SYNE2: variants seen among roughly 807,000 people sequenced by gnomAD.
SYNE2 encodes the protein nesprin-2.
SYNE2 carries 431 observed loss-of-function variants against 856.3 expected under a neutral mutation model. That is an observed-to-expected ratio of 0.50 (90% CI 0.47 to 0.55). The LOEUF is 0.55. SYNE2 is among the 20% of genes least tolerant of loss of function. The pLI is 0.00. For synonymous variants in SYNE2, 2,923 were observed against 2,872.3 expected (o/e 1.02, Z -0.56); for missense variants, 8,129 against 8,023.2 (o/e 1.01, Z -0.50).
rs1306551706 is a variant in SYNE2, at chr14:63,842,387, A to G, written c.-304-10114A>G. Among the ~76,000 whole-genome samples, 4 of 150,434 alleles carry G rather than the reference A, an allele frequency of 2.7e-5. No homozygotes were observed. In the South Asian group the frequency reaches 6.3e-4, roughly 24 times the overall value. ...GGCTGGTCTCAAACTCCTGGCCTCA[A>G]GTGATTTGCCCACCTCAGCCTCCCA... On this transcript the variant is annotated intron_variant, in intron 1 of 23. Coordinates refer to the SYNE2 transcript ENST00000674003.
At chr14:64,043,728 G>T (rs543089769) in intron 45 of SYNE2, among the ~76,000 whole-genome samples, 1 of 152,234 alleles carries the variant, frequency 6.6e-6, no homozygotes, top group East Asian at 1.9e-4. Context: ...CCTCTGCCTA[G>T]ATTTCTGAAT....
intron 48 of SYNE2, among the ~76,000 whole-genome samples, chr14:64,055,741 A>G (rs987488391): frequency 6.6e-6 from 1 of 152,154 alleles, no homozygotes; most frequent in Non-Finnish European, 1.5e-5. Context: ...TAAAATGAGA[A>G]TGCTAACTCT....
At chr14:64,078,642 A>G in intron 55 of SYNE2, 36 bp downstream of exon 55, 2 of 1,610,672 alleles carry the variant, frequency 1.2e-6, no homozygotes, top group Non-Finnish European at 1.7e-6. Context: ...AGCATTTGGT[A>G]CTTCTGACCC....
intron 45 of SYNE2, among the ~76,000 whole-genome samples, chr14:64,035,485 C>T (rs960775663): frequency 6.7e-6 from 1 of 148,390 alleles, no homozygotes. Context: ...AAAATTTATG[C>T]CTTAATGGGA....
At chr14:63,977,860 G>A (rs749812449) in intron 12 of SYNE2, 45 bp from the exon 13 acceptor site, 1 of 1,322,080 alleles carries the variant, frequency 7.6e-7, no homozygotes, top group African/African-American at 1.4e-5. Flanking sequence ...TAATTACAGT[G>A]TTTGGCAATA....
At chr14:63,840,399 T>TTTCC (rs747899857) in intron 1 of SYNE2, among the ~76,000 whole-genome samples, 9,434 of 115,028 alleles carry the variant, frequency 0.082, 596 homozygotes, top group Middle Eastern at 0.12. Flanking sequence ...CTTTCTTTCC[T>TTTCC]TTCCTTCCTT....
intron 83 of SYNE2, among the ~76,000 whole-genome samples, chr14:64,145,507 C>CAA (rs58238268): frequency 0.054 from 5,074 of 93,550 alleles, 203 homozygotes; most frequent in East Asian, 0.14. Flanking sequence ...GACTCCGTCT[C>CAA]AAAAAAAAAA....
chr14:64,199,825 T>G (rs954732181), intron 99 of SYNE2, among the ~76,000 whole-genome samples: 2 of 152,150 alleles, frequency 1.3e-5, no homozygotes, highest in African/African-American at 4.8e-5. Flanking sequence ...ATAATTAAGT[T>G]TATAATTTTA....
chr14:64,216,768 A>G (rs2098668542), intron 108 of SYNE2, among the ~76,000 whole-genome samples: 1 of 152,224 alleles, frequency 6.6e-6, no homozygotes, highest in Non-Finnish European at 1.5e-5. Flanking sequence ...TCTGTCACCC[A>G]GGCTGGAGTG....
chr14:63,859,751 G>A (rs1892985573), intron 1 of SYNE2, among the ~76,000 whole-genome samples: 1 of 152,188 alleles, frequency 6.6e-6, no homozygotes. Context: ...AGGGGGTGGA[G>A]GTTACAGTGA....
rs755552590 is a variant in SYNE2 at position 64,093,438 on chromosome 14, A to G, written c.12066A>G (p.Glu4022=). 1 of 1,614,174 alleles carries G rather than the reference A, an allele frequency of 6.2e-7. No individual in the cohort carries two copies. The highest frequency in any genetic ancestry group is 8.5e-7 in the Non-Finnish European group (1 of 1,180,006). Residue 4022 remains glutamate, a synonymous_variant, in exon 61 of 116, where the codon GAA becomes GAG. Transcript: ENST00000555002. The part of the protein sequence containing the change: ...LNNYSAQFSL[E]HMSPDQADKL... ...ATTATTCAGCTCAGTTCTCCCTTGA[A>G]CATATGTCACCAGACCAAGCTGACA...
At chr14:63,884,783 G>T (rs569424603) in intron 1 of SYNE2, among the ~76,000 whole-genome samples, 1 of 152,046 alleles carries the variant, frequency 6.6e-6, no homozygotes, top group South Asian at 2.1e-4. Flanking sequence ...AAATGCAGTT[G>T]ATAGGAAGCC....
In SYNE2 at chr14:64,075,705, T is replaced by G; in HGVS notation, c.10867-240T>G. 3 of 482,406 alleles carry G rather than the reference T, an allele frequency of 6.2e-6. No homozygotes were observed. In the South Asian group the frequency reaches 6.4e-5, roughly 10 times the overall value. The allele number at this position is 482,406 out of a possible 1,614,324, so 29.9% of individuals were successfully genotyped here. A position where few individuals can be genotyped will look rare whatever the true frequency, so the allele number is the denominator to read the frequency against. On this transcript the variant is annotated intron_variant, in intron 53 of 115. Transcript: ENST00000555002. Reference sequence around the variant, plus strand: ...GAAGCAGGGGGTGTTGTAATGTCTTTTCTAGATAATGGTGTGACACTATGA... The same window carrying G: ...GAAGCAGGGGGTGTTGTAATGTCTTGTCTAGATAATGGTGTGACACTATGA...
At chr14:63,825,286 A>G (rs1889381931) in intron 1 of SYNE2, among the ~76,000 whole-genome samples, 1 of 152,202 alleles carries the variant, frequency 6.6e-6, no homozygotes. Context: ...AAAAATTACC[A>G]AGGTTGGAAG....
chr14:63,871,182 G>A (rs1013097514), intron 1 of SYNE2, among the ~76,000 whole-genome samples: 2 of 151,750 alleles, frequency 1.3e-5, no homozygotes, highest in Non-Finnish European at 2.9e-5. Flanking sequence ...AGGACAGAAA[G>A]GAACTAATTT....
At chr14:63,798,398 CTT>C (rs919267911) in intron 1 of SYNE2, among the ~76,000 whole-genome samples, 1 of 127,026 alleles carries the variant, frequency 7.9e-6, no homozygotes, top group Non-Finnish European at 1.7e-5. Context: ...TTTTTTTTTT[CTT>C]TTTTTTTTTT....
intron 1 of SYNE2, among the ~76,000 whole-genome samples, chr14:63,860,715 G>A (rs1374256297): frequency 6.6e-6 from 1 of 152,176 alleles, no homozygotes; most frequent in Non-Finnish European, 1.5e-5. Flanking sequence ...CTGTGTAAAT[G>A]TACCCCTATT....
rs114019967 is a variant in SYNE2 at position 64,014,059 on chromosome 14, A to G, written c.4729-2414A>G. 5.8e-3 allele frequency among the ~76,000 whole-genome samples: 875 copies of G among 152,108 alleles called. 13 individuals carry two copies. The highest frequency in any genetic ancestry group is 0.021 in the African/African-American group (852 of 41,546). On this transcript the variant is annotated intron_variant, in intron 32 of 115. Coordinates refer to ENST00000555002, the MANE Select transcript of SYNE2 (RefSeq NM_182914.3). ...AGCCACTAATATAGTCTCTATTTCT[A>G]TAATTTTATTATTTTAAAAATGTTA...
intron 64 of SYNE2, among the ~76,000 whole-genome samples, chr14:64,103,963 T>C (rs2097754886): frequency 6.6e-6 from 1 of 152,256 alleles, no homozygotes; most frequent in Non-Finnish European, 1.5e-5. Flanking sequence ...ACCTCAATTA[T>C]GACTTAGCAC....
Sources: gnomAD v4.1 joint callset for allele counts (sites outside exome capture counted in the v4.1 genomes callset) on GRCh38, gnomAD v4.1.1 for gene constraint, MANE v1.5 for transcripts, NCBI Gene and HGNC (gene_info 2026-07-23, HGNC 2026-07-21) for gene names.